The following PCNX1 variants were observed in gnomAD, a reference collection of about 807,000 sequenced individuals.
PCNX1 encodes the protein pecanex-like protein 1.
Under a neutral mutation model 242.2 loss-of-function variants are expected in PCNX1, and 78 were observed. That is an observed-to-expected ratio of 0.32 (90% confidence interval 0.27 to 0.39). PCNX1 has a LOEUF of 0.39. PCNX1 is among the 10% of genes least tolerant of loss of function. PCNX1 has a pLI of 1.00. For missense variants in PCNX1, 2,581 were observed against 2,856.5 expected, an observed-to-expected ratio of 0.90 and a Z score of 2.20; for synonymous variants, 1,024 against 1,032.9, an observed-to-expected ratio of 0.99 and a Z score of 0.17.
At chr14:70,940,999 A>G (rs1249581712) in intron 1 of PCNX1, among the ~76,000 whole-genome samples, 1 of 151,902 alleles carries the variant, frequency 6.6e-6, no homozygotes, top group African/African-American at 2.4e-5. Context: ...TCTTCTCTAC[A>G]TTGTTTATTC....
At chr14:71,039,818 T>C (rs1197865363) in intron 19 of PCNX1, among the ~76,000 whole-genome samples, 1 of 152,186 alleles carries the variant, frequency 6.6e-6, no homozygotes, top group Non-Finnish European at 1.5e-5. Flanking sequence ...CAGGTATGGG[T>C]AAGGCTTCTT....
At chr14:71,006,780 C>T (rs927693874) in intron 8 of PCNX1, among the ~76,000 whole-genome samples, 1 of 152,122 alleles carries the variant, frequency 6.6e-6, no homozygotes, top group Non-Finnish European at 1.5e-5. Flanking sequence ...CAGTAGGATA[C>T]ATTAGCACAT....
chr14:70,976,943 T>C lies in PCNX1; in HGVS notation c.606T>C (p.Asp202=). 6.2e-7 allele frequency: 1 copy of C among 1,610,196 alleles called. No individual in the cohort carries two copies. The highest frequency in any genetic ancestry group is 1.3e-5 in the African/African-American group (1 of 74,884). ...SLCKEGSEEQ[D]LAADRKLFRL... Reference sequence around the variant, plus strand: ...TTTCAAAATATGTGTTTGAAACAGATTTGGCAGCTGATCGGAAGCTCTTTC... The same window carrying C: ...TTTCAAAATATGTGTTTGAAACAGACTTGGCAGCTGATCGGAAGCTCTTTC... Residue 202 remains aspartate, a splice_region_variant and synonymous_variant, in exon 6 of 36, where the codon GAT becomes GAC. Transcript: ENST00000304743.
At chr14:70,947,978 GCA>G (rs2057527079) in intron 2 of PCNX1, among the ~76,000 whole-genome samples, 1 of 152,192 alleles carries the variant, frequency 6.6e-6, no homozygotes, top group South Asian at 2.1e-4. Context: ...CTGGTCTCCA[GCA>G]GCGCCCCCAG....
chr14:70,989,160 A>G (rs2059084915), intron 7 of PCNX1, among the ~76,000 whole-genome samples: 1 of 152,184 alleles, frequency 6.6e-6, no homozygotes, highest in African/African-American at 2.4e-5. Context: ...TCACTAAAAT[A>G]TGATATGATT....
At chr14:71,079,254 A>C (rs2061791329) in intron 28 of PCNX1, among the ~76,000 whole-genome samples, 1 of 152,186 alleles carries the variant, frequency 6.6e-6, no homozygotes, top group African/African-American at 2.4e-5. Flanking sequence ...ACTGATGGGC[A>C]TTTGGATTGG....
At chr14:70,957,250 C>T (rs931237691) in intron 2 of PCNX1, among the ~76,000 whole-genome samples, 1 of 151,978 alleles carries the variant, frequency 6.6e-6, no homozygotes, top group African/African-American at 2.4e-5. Context: ...TGGCCTCCCG[C>T]GTGCTAGGAT....
At chr14:70,998,194 C>G (rs748982157) in intron 8 of PCNX1, among the ~76,000 whole-genome samples, 24 of 151,808 alleles carry the variant, frequency 1.6e-4, no homozygotes, top group Non-Finnish European at 2.6e-4. Context: ...ACTGTGTTTT[C>G]TACATCTTTA....
chr14:70,990,309 C>T (rs902475557), intron 7 of PCNX1, among the ~76,000 whole-genome samples: 4 of 151,864 alleles, frequency 2.6e-5, no homozygotes, highest in African/African-American at 9.7e-5. Flanking sequence ...TGCCTGTAAT[C>T]CCAGCACTTT....
rs571623143 is a variant in PCNX1, at chr14:71,032,430, TG to T, written c.3559-993del. Among the ~76,000 whole-genome samples the T allele has an allele frequency of 3.5e-4, 53 of 152,236 alleles. 3 individuals are homozygous for T. In the East Asian group the frequency reaches 9.8e-3, roughly 28 times the overall value. On this transcript the variant is annotated intron_variant, in intron 16 of 35. Transcript: ENST00000304743. ...TGCCTTAGTTTTCTCATCTATAAAT[TG>T]GGGGGTAATAGTACATATTTTCAAG...
chr14:70,915,375 A>G (rs1482740099), intron 1 of PCNX1, among the ~76,000 whole-genome samples: 2 of 152,228 alleles, frequency 1.3e-5, no homozygotes, highest in African/African-American at 2.4e-5. Context: ...TAAATCAGAA[A>G]TTATAGATAA....
chr14:71,023,228 G>A lies in PCNX1; in HGVS notation c.3179G>A (p.Arg1060Lys). The change falls in exon 13 of 36, where the codon AGA becomes AAA. Residue 1060 changes from arginine (R) to lysine (K), a missense_variant. Arg to Lys is a conservative substitution (Grantham distance 26). Coordinates refer to ENST00000304743, the MANE Select transcript of PCNX1 (RefSeq NM_014982.3). ...GTTCAACCAGATTCTTCTTCTCCCA[G>A]ACATGTAAGTCACTCTTAATATGGC... is the stretch of plus-strand genomic sequence containing the variant. The part of the protein sequence containing the change: ...KSVQPDSSSP[R>K]HGHNRIIAYS... The A allele has an allele frequency of 1.3e-6, 2 of 1,596,454 alleles. No homozygotes were observed. The highest frequency in any genetic ancestry group is 1.7e-6 in the Non-Finnish European group (2 of 1,164,410).
In PCNX1 at chr14:70,977,360, T is replaced by C. The variant is rs770506440; in HGVS notation, c.1023T>C (p.Leu341=). 12 of 1,614,046 alleles carry C rather than the reference T, an allele frequency of 7.4e-6. No homozygotes were observed. Residue 341 remains leucine (L), a synonymous_variant, in exon 6 of 36, where the codon CTT becomes CTC. Transcript: ENST00000304743. ...ENSGLSGEFQ[L]AGDLKINTSQ... is the part of the protein sequence containing the mutation. ...CTGGTTTATCTGGGGAATTTCAGCT[T>C]GCTGGTGACTTGAAAATCAATACTT...
intron 1 of PCNX1, among the ~76,000 whole-genome samples, chr14:70,915,449 A>G (rs767865490): frequency 3.3e-5 from 5 of 152,212 alleles, no homozygotes; most frequent in Admixed American, 6.5e-5. Flanking sequence ...TTTAGTAACC[A>G]AAATATATTT....
intron 3 of PCNX1, among the ~76,000 whole-genome samples, chr14:70,966,045 T>C (rs1390211651): frequency 6.6e-6 from 1 of 152,230 alleles, no homozygotes; most frequent in Non-Finnish European, 1.5e-5. Context: ...TAATTGATTG[T>C]ATCATGAGCA....
intron 1 of PCNX1, among the ~76,000 whole-genome samples, chr14:70,913,974 T>G (rs144732571): frequency 1.6e-3 from 247 of 152,292 alleles, no homozygotes; most frequent in African/African-American, 5.7e-3. Context: ...TTTTCAATAT[T>G]TAGGATCAAA....
At chr14:71,069,164 A>G (rs2061529870) in intron 26 of PCNX1, among the ~76,000 whole-genome samples, 1 of 152,128 alleles carries the variant, frequency 6.6e-6, no homozygotes, top group African/African-American at 2.4e-5. Context: ...ACTTACTACC[A>G]CAAGAACAGT....
At position 70,971,168 on chromosome 14, in the gene PCNX1, C is replaced by T. The variant is rs1250295189; in HGVS notation, c.604+2058C>T. Among the ~76,000 whole-genome samples, 3 of 30,754 alleles carry T rather than the reference C, an allele frequency of 9.8e-5. 1 individual carries two copies. The highest frequency in any genetic ancestry group is 4.1e-4 in the African/African-American group (3 of 7,340). The allele number at this position is 30,754 out of a possible 152,430, so 20.2% of individuals were successfully genotyped here. On this transcript the variant is annotated intron_variant, in intron 5 of 35. Transcript: ENST00000304743. Reference sequence around the variant, plus strand: ...TTTTTTTTTTTTTGAGACGGAGTCTCGCTCTGTCGCCCAGGCCGGACTGCG... The same window carrying T: ...TTTTTTTTTTTTTGAGACGGAGTCTTGCTCTGTCGCCCAGGCCGGACTGCG...
At chr14:71,079,385 G>T (rs2061795069) in intron 28 of PCNX1, among the ~76,000 whole-genome samples, 1 of 152,116 alleles carries the variant, frequency 6.6e-6, no homozygotes, top group South Asian at 2.1e-4. Flanking sequence ...GGGTCAAATG[G>T]CATTTCTGGT....
Sources: gnomAD v4.1 joint callset for allele counts (sites outside exome capture counted in the v4.1 genomes callset) on GRCh38, gnomAD v4.1.1 for gene constraint, MANE v1.5 for transcripts, NCBI Gene and HGNC (gene_info 2026-07-23, HGNC 2026-07-21) for gene names.